MED12L: variants seen among roughly 807,000 people sequenced by gnomAD.
MED12L encodes mediator of RNA polymerase II transcription subunit 12-like protein.
Under a neutral mutation model 281.3 loss-of-function variants are expected in MED12L, and 60 were observed. The observed-to-expected ratio is 0.21, with a 90% CI of 0.17 to 0.26. The LOEUF (loss-of-function observed/expected upper bound fraction) is 0.26, where lower values mean the gene tolerates loss of function less well. Ranked by LOEUF, MED12L falls within the 10% of genes least tolerant of loss-of-function variation. MED12L has a pLI of 1.00. For missense variants in MED12L, 2,146 were observed against 2,680.9 expected (o/e 0.80, Z 4.41); for synonymous variants, 974 against 987.2 (o/e 0.99, Z 0.25).
At position 151,127,830 on chromosome 3, in the gene MED12L, T is replaced by C. The variant is rs1310375676; in HGVS notation, c.402T>C (p.Pro134=). Residue 134 remains proline (P), a synonymous_variant, in exon 5 of 45, where the codon CCT becomes CCC. Transcript: ENST00000687756. ...ACTATGTTGTTTCTTTTTAGGTTCC[T>C]ATCCTTAGTAAAAAAGAGGATGTTT... ...KPLSILAKKV[P]ILSKKEDVFA... is the part of the protein sequence containing the mutation. The C allele has an allele frequency of 1.9e-6, 3 of 1,602,376 alleles. No homozygotes were observed. In the African/African-American group the frequency reaches 4.0e-5, roughly 21 times the overall value.
At chr3:151,141,941 T>C (rs1031906512) in intron 5 of MED12L, among the ~76,000 whole-genome samples, 2 of 152,206 alleles carry the variant, frequency 1.3e-5, no homozygotes, top group Non-Finnish European at 2.9e-5. Flanking sequence ...TCAGTCATCT[T>C]CTATGATAAA....
chr3:151,416,212 A>G (rs1717531030), intron 42 of MED12L, 100 bp from the exon 43 acceptor site: 3 of 1,597,522 alleles, frequency 1.9e-6, no homozygotes, highest in Non-Finnish European at 2.6e-6. Context: ...TGTTTTTACT[A>G]CAACATAAAA....
intron 11 of MED12L, among the ~76,000 whole-genome samples, chr3:151,178,051 G>A (rs529559868): frequency 5.5e-5 from 8 of 146,206 alleles, no homozygotes; most frequent in African/African-American, 1.5e-4. Context: ...CTTACTATTC[G>A]TTAGAAAGTG....
At chr3:151,315,314 C>T (rs1280486873) in intron 16 of MED12L, among the ~76,000 whole-genome samples, 1 of 152,212 alleles carries the variant, frequency 6.6e-6, no homozygotes, top group African/African-American at 2.4e-5. Context: ...ACAAACAGCA[C>T]AACTCTAAAT....
intron 16 of MED12L, among the ~76,000 whole-genome samples, chr3:151,331,865 T>C (rs1750390876): frequency 1.3e-5 from 2 of 152,186 alleles, no homozygotes; most frequent in South Asian, 4.1e-4. Flanking sequence ...ATTTTCCCCA[T>C]ATCATGCAAC....
intron 37 of MED12L, among the ~76,000 whole-genome samples, chr3:151,389,216 G>A (rs1042820039): frequency 3.9e-5 from 6 of 152,184 alleles, no homozygotes; most frequent in Non-Finnish European, 5.9e-5. Context: ...GTCAGTCCAC[G>A]TGGATGGGCT....
At chr3:151,329,807 G>A (rs1201696296) in intron 16 of MED12L, among the ~76,000 whole-genome samples, 3 of 152,124 alleles carry the variant, frequency 2.0e-5, no homozygotes, top group Admixed American at 6.6e-5. Context: ...AGTGCCTCTT[G>A]TATATAGTGG....
intron 16 of MED12L, among the ~76,000 whole-genome samples, chr3:151,291,466 T>G (rs1342816527): frequency 6.6e-6 from 1 of 152,208 alleles, no homozygotes; most frequent in African/African-American, 2.4e-5. Flanking sequence ...AATGTCAGTT[T>G]TATGAAGAAT....
intron 4 of MED12L, among the ~76,000 whole-genome samples, chr3:151,123,591 A>G (rs1005076303): frequency 4.6e-5 from 7 of 152,226 alleles, no homozygotes; most frequent in African/African-American, 1.7e-4. Context: ...TCCAAACAGT[A>G]TAAGATACCT....
At chr3:151,182,463 A>G (rs55797985) in intron 11 of MED12L, among the ~76,000 whole-genome samples, 3 of 152,232 alleles carry the variant, frequency 2.0e-5, no homozygotes, top group African/African-American at 7.2e-5. Context: ...TGCTAAGCAA[A>G]TGAAATAGCA....
chr3:151,258,872 A>G (rs1738334256), intron 16 of MED12L, among the ~76,000 whole-genome samples: 2 of 146,764 alleles, frequency 1.4e-5, no homozygotes, highest in Admixed American at 1.4e-4. Flanking sequence ...AAAAAAAAAA[A>G]AGTCCTTCCC....
chr3:151,165,184 A>G (rs1424067332), intron 9 of MED12L, among the ~76,000 whole-genome samples: 1 of 152,232 alleles, frequency 6.6e-6, no homozygotes, highest in Non-Finnish European at 1.5e-5. Flanking sequence ...TTTCACTCGT[A>G]AAACAAATTT....
Position 151,388,230 on chromosome 3 carries a change from C to T in MED12L, c.5451+58C>T, listed in dbSNP as rs891458305. On this transcript the variant is annotated intron_variant, in intron 37 of 44. Transcript: ENST00000687756. ...ATTAGCATTTAGTATGAGATTTACT[C>T]GTGCCCAAATCATATCCCTCGAAAC... 18 of 1,522,844 alleles carry T rather than the reference C, an allele frequency of 1.2e-5. 1 individual carries two copies. The South Asian group carries it at 1.6e-4, about 13-fold the overall frequency. 94.3% of individuals were successfully genotyped at this position (1,522,844 alleles called of 1,614,324 possible).
At position 151,411,523 on chromosome 3, in the gene MED12L, A is replaced by T; in HGVS notation, c.6140+16A>T. ...GCTCTCAGAGGTGATACATGTGGAA[A>T]TGATGATGGCAATAATGAACAGTCA... On this transcript the variant is annotated intron_variant, in intron 41 of 44. Coordinates refer to ENST00000687756, the MANE Select transcript of MED12L (RefSeq NM_001393769.1). The T allele has an allele frequency of 6.2e-7, 1 of 1,605,494 alleles. No individual in the cohort carries two copies. Among genetic ancestry groups the T allele is most frequent in the Admixed American group, 1.7e-5 (1 of 60,010 alleles).
At chr3:151,383,656 C>G in intron 33 of MED12L, 123 bp from the exon 34 acceptor site, 1 of 619,420 alleles carries the variant, frequency 1.6e-6, no homozygotes, top group Non-Finnish European at 2.8e-6. Context: ...ATAAGGTAAT[C>G]TATAAACTAG....
intron 16 of MED12L, among the ~76,000 whole-genome samples, chr3:151,235,950 T>C (rs191586953): frequency 6.6e-6 from 1 of 152,288 alleles, no homozygotes; most frequent in East Asian, 1.9e-4. Context: ...GTTTAAAATA[T>C]TAGGTTGGTG....
chr3:151,383,987 T>C lies in MED12L; in HGVS notation c.4791-96T>C, dbSNP rs2108159339. 3.4e-6 allele frequency: 5 copies of C among 1,489,696 alleles called. No individual in the cohort carries two copies. In the East Asian group the frequency reaches 7.1e-5, roughly 21 times the overall value. The allele number at this position is 1,489,696 out of a possible 1,614,324, so 92.3% of individuals were successfully genotyped here. ...TTCTGCCACATCTTATTTACTTGGA[T>C]GCTATTAAAAATTCTGTGCCTTGAA... On this transcript the variant is annotated intron_variant, in intron 34 of 44. Transcript: ENST00000687756.
In MED12L at chr3:151,087,008, G is replaced by C. The variant is rs1293730351; in HGVS notation, c.82G>C (p.Asp28His). 1 of 1,609,708 alleles carries C rather than the reference G, an allele frequency of 6.2e-7. No homozygotes were observed. Among genetic ancestry groups the C allele is most frequent in the Non-Finnish European group, 8.5e-7 (1 of 1,178,828 alleles). ...CGGGCCGCCCGACGTCTACCCACAG[G>C]ACCCCAAGCAGAAGGAGGTAAGGGC... The part of the protein sequence containing the change: ...RLGPPDVYPQ[D>H]PKQKEDELTA... Residue 28 changes from aspartate (D) to histidine (H), a missense_variant, in exon 2 of 45, where the codon GAC becomes CAC. By Grantham distance (81) the Asp-to-His change is moderately conservative (BLOSUM62 -1). Transcript: ENST00000687756.
At chr3:151,187,879 C>T (rs1010820749) in intron 12 of MED12L, among the ~76,000 whole-genome samples, 1 of 152,150 alleles carries the variant, frequency 6.6e-6, no homozygotes, top group Non-Finnish European at 1.5e-5. Context: ...TACAGTTAAA[C>T]ATGAACTATT....
Sources: allele counts gnomAD v4.1 joint callset (sites outside exome capture counted in the v4.1 genomes callset), GRCh38; gene constraint gnomAD v4.1.1; transcripts MANE v1.5; gene names NCBI Gene and HGNC (gene_info 2026-07-23, HGNC 2026-07-21).